Variants in ARHGAP19 observed in about 807,000 individuals in gnomAD.
The protein encoded by ARHGAP19 is rho GTPase-activating protein 19.
In ARHGAP19, 48 loss-of-function variants were observed where a neutral mutation model predicts 60.9. The observed-to-expected ratio is 0.79, with a 90% CI of 0.62 to 1.00. ARHGAP19 has a LOEUF of 1.00. ARHGAP19 is among the 50% of genes least tolerant of loss of function. The pLI is 0.00. For synonymous variants in ARHGAP19, 209 were observed against 215.5 expected, an observed-to-expected ratio of 0.97 and a Z score of 0.27; for missense variants, 562 against 597.2, an observed-to-expected ratio of 0.94 and a Z score of 0.61.
rs1843207246 is a variant in ARHGAP19 at position 97,289,870 on chromosome 10, AG to A, written c.56+2701del. Among the ~76,000 whole-genome samples, 3 of 151,894 alleles carry A rather than the reference AG, an allele frequency of 2.0e-5. No homozygotes were observed. The South Asian group carries it at 6.2e-4, about 32-fold the overall frequency. ...CCTGTGTTAAAAAAAAAAAAAAGAA[AG>A]AAAGAAAGAAAAGAAAAAGAAAAGA... On this transcript the variant is annotated intron_variant, in intron 1 of 11. Coordinates refer to ENST00000358531, the MANE Select transcript of ARHGAP19 (RefSeq NM_032900.6).
chr10:97,264,323 C>T (rs1211523005), intron 3 of ARHGAP19, among the ~76,000 whole-genome samples: 1 of 152,038 alleles, frequency 6.6e-6, no homozygotes, highest in African/African-American at 2.4e-5. Context: ...TGTGGTGGTG[C>T]AAGCTTGTGA....
At chr10:97,291,589 C>G (rs190642633) in intron 1 of ARHGAP19, among the ~76,000 whole-genome samples, 2 of 152,160 alleles carry the variant, frequency 1.3e-5, no homozygotes, top group African/African-American at 4.8e-5. Context: ...CCACCATGCC[C>G]GGCCCCGTAT....
At chr10:97,264,078 G>A (rs1842865910) in intron 3 of ARHGAP19, among the ~76,000 whole-genome samples, 1 of 152,144 alleles carries the variant, frequency 6.6e-6, no homozygotes, top group South Asian at 2.1e-4. Context: ...CAGAGTCTCT[G>A]CATTGCTCCA....
At chr10:97,286,626 C>T (rs1238264746) in intron 1 of ARHGAP19, among the ~76,000 whole-genome samples, 1 of 152,156 alleles carries the variant, frequency 6.6e-6, no homozygotes, top group African/African-American at 2.4e-5. Flanking sequence ...GTTTACTAAC[C>T]AATATTCCAT....
rs1842422839 is a variant in ARHGAP19, at chr10:97,238,744, GA to G, written c.1186-3430del. On this transcript the variant is annotated intron_variant, in intron 8 of 11. Transcript: ENST00000358531. The stretch of plus-strand genomic sequence containing the variant: ...AAGCTAAAGGTAATTAATTATTGAA[GA>G]AAAAAATTTTATAAATTTAGTCTAG... Among the ~76,000 whole-genome samples, 12 of 151,998 alleles carry G rather than the reference GA, an allele frequency of 7.9e-5. No homozygotes were observed. In the South Asian group the frequency reaches 2.1e-3, roughly 26 times the overall value.
At chr10:97,262,590 G>A (rs1050341408) in intron 4 of ARHGAP19, among the ~76,000 whole-genome samples, 8 of 152,194 alleles carry the variant, frequency 5.3e-5, no homozygotes, top group East Asian at 1.9e-4. Flanking sequence ...ACTTGAACCC[G>A]GGAGGCGGAG....
intron 4 of ARHGAP19, among the ~76,000 whole-genome samples, chr10:97,260,902 T>C (rs1842821515): frequency 7.2e-6 from 1 of 139,694 alleles, no homozygotes; most frequent in African/African-American, 2.7e-5. Flanking sequence ...GAGACCAGCC[T>C]GGGCAACATG....
intron 1 of ARHGAP19, among the ~76,000 whole-genome samples, chr10:97,284,791 G>A (rs1317283889): frequency 6.7e-6 from 1 of 150,130 alleles, no homozygotes; most frequent in Non-Finnish European, 1.5e-5. Flanking sequence ...ACAGATGAGA[G>A]CCACCACTTT....
Position 97,241,700 on chromosome 10 carries a change from G to A in ARHGAP19, c.1185+2268C>T, listed in dbSNP as rs1024709077. ...TGCACTCCAGCCTGGGCAACAGAGC[G>A]AGACTCTGTCTCAAAAAAATAAAAA... is the stretch of plus-strand genomic sequence containing the variant. On this transcript the variant is annotated intron_variant, in intron 8 of 11. Coordinates refer to ENST00000358531, the MANE Select transcript of ARHGAP19 (RefSeq NM_032900.6). 7.5e-4 allele frequency among the ~76,000 whole-genome samples: 113 copies of A among 151,672 alleles called. 1 individual carries two copies. Among genetic ancestry groups the A allele is most frequent in the Admixed American group, 2.0e-3 (31 of 15,198 alleles).
chr10:97,262,525 C>T (rs1589465389), intron 4 of ARHGAP19, among the ~76,000 whole-genome samples: 1 of 152,098 alleles, frequency 6.6e-6, no homozygotes, highest in Non-Finnish European at 1.5e-5. Context: ...ATTAGCTAGG[C>T]GTGGTAGCGC....
chr10:97,289,866 AG>A (rs1468079038), intron 1 of ARHGAP19, among the ~76,000 whole-genome samples: 58 of 150,726 alleles, frequency 3.8e-4, no homozygotes, highest in African/African-American at 1.3e-3. Context: ...AAAAAAAAAA[AG>A]AAAGAAAGAA....
chr10:97,259,462 G>A lies in ARHGAP19; in HGVS notation c.780C>T (p.Asn260=), dbSNP rs1842798430. 1 of 1,614,044 alleles carries A rather than the reference G, an allele frequency of 6.2e-7. No individual in the cohort carries two copies. Among genetic ancestry groups the A allele is most frequent in the African/African-American group, 1.3e-5 (1 of 74,930 alleles). The change falls in exon 5 of 12, where the codon AAC becomes AAT. Residue 260 remains asparagine, a synonymous_variant. Coordinates refer to ENST00000358531, the MANE Select transcript of ARHGAP19 (RefSeq NM_032900.6). ...GGGCAAGGTTATAGGCTGACATCTT[G>A]TTCTTGTCTTGTTTCTTTGCTGTCT... The part of the protein sequence containing the change: ...LYQTAKKQDK[N]KMSAYNLALM...
chr10:97,232,055 T>A (rs1388810147), intron 9 of ARHGAP19, among the ~76,000 whole-genome samples: 1 of 151,320 alleles, frequency 6.6e-6, no homozygotes, highest in African/African-American at 2.4e-5. Context: ...TTGATTTACA[T>A]TTCCCTAATG....
intron 6 of ARHGAP19, among the ~76,000 whole-genome samples, chr10:97,250,151 G>C (rs1842622666): frequency 6.6e-6 from 1 of 152,106 alleles, no homozygotes; most frequent in East Asian, 1.9e-4. Flanking sequence ...TAGGAATGAA[G>C]TATCATGGTG....
In ARHGAP19 at chr10:97,244,178, A is replaced by C; in HGVS notation, c.994-19T>G. ...GGTCATCCTAAGGAAAATTTAAAAGAAGAGTAAATTAATATATCCTGCCAA... is the reference window on the plus strand; with the variant it reads ...GGTCATCCTAAGGAAAATTTAAAAGCAGAGTAAATTAATATATCCTGCCAA... On this transcript the variant is annotated intron_variant, in intron 7 of 11. Transcript: ENST00000358531. The C allele has an allele frequency of 6.4e-7, 1 of 1,567,736 alleles. No homozygotes were observed. Among genetic ancestry groups the C allele is most frequent in the Non-Finnish European group, 8.6e-7 (1 of 1,159,122 alleles).
At chr10:97,247,450 A>G (rs751480118) in intron 6 of ARHGAP19, among the ~76,000 whole-genome samples, 1 of 152,230 alleles carries the variant, frequency 6.6e-6, no homozygotes, top group Non-Finnish European at 1.5e-5. Context: ...TAATAAAATT[A>G]CATTTGCACT....
intron 6 of ARHGAP19, among the ~76,000 whole-genome samples, chr10:97,252,656 G>A (rs1842701928): frequency 6.6e-6 from 1 of 152,008 alleles, no homozygotes; most frequent in African/African-American, 2.4e-5. Context: ...AAAAATAACA[G>A]ATGCTGATGA....
intron 5 of ARHGAP19, among the ~76,000 whole-genome samples, chr10:97,256,928 T>C (rs1001646924): frequency 2.0e-5 from 3 of 152,108 alleles, no homozygotes; most frequent in South Asian, 2.1e-4. Context: ...GAGACCATCC[T>C]GGCTAACACA....
chr10:97,232,879 G>GACA (rs1482925496), intron 9 of ARHGAP19, among the ~76,000 whole-genome samples: 3 of 152,178 alleles, frequency 2.0e-5, no homozygotes, highest in African/African-American at 7.2e-5. Flanking sequence ...TGGGCATGGT[G>GACA]GCTCACGCCT....
Sources: allele counts gnomAD v4.1 joint callset (sites outside exome capture counted in the v4.1 genomes callset), GRCh38; gene constraint gnomAD v4.1.1; transcripts MANE v1.5; gene names NCBI Gene and HGNC (gene_info 2026-07-23, HGNC 2026-07-21).